PPM1D: variants seen among roughly 807,000 people sequenced by gnomAD.
PPM1D encodes protein phosphatase, Mg2+/Mn2+ dependent 1D, also known as protein phosphatase 1D.
In PPM1D, 52 loss-of-function variants were observed where a neutral mutation model predicts 58.3. The ratio of observed to expected loss-of-function variants is 0.89; its 90% CI spans 0.71 to 1.12. The LOEUF is 1.12. Ranked by LOEUF, PPM1D falls within the 50% of genes most tolerant of loss-of-function variation. The pLI, the probability that PPM1D is intolerant of heterozygous loss-of-function variation, is 0.00. For missense variants in PPM1D, 564 were observed against 777.2 expected (o/e 0.73, Z 3.26); for synonymous variants, 278 against 285.1 (o/e 0.98, Z 0.25).
chr17:60,657,684 A>T (rs2031464261), intron 5 of PPM1D, among the ~76,000 whole-genome samples: 1 of 152,218 alleles, frequency 6.6e-6, no homozygotes. Context: ...TTCACTTTAC[A>T]TACATATGGC....
chr17:60,613,979 T>TGCCCAAGGGCTGAGGAGCGCGG (rs2030522961), intron 1 of PPM1D, among the ~76,000 whole-genome samples: 1 of 143,714 alleles, frequency 7.0e-6, no homozygotes, highest in South Asian at 2.3e-4. Context: ...TCCCGTCGAC[T>TGCCCAAGGGCTGAGGAGCGCGG]GCCCAAGGGC....
At chr17:60,645,522 G>GTA (rs200672148) in intron 3 of PPM1D, among the ~76,000 whole-genome samples, 81 of 124,210 alleles carry the variant, frequency 6.5e-4, no homozygotes, top group South Asian at 7.1e-4. Flanking sequence ...GTATATATAT[G>GTA]TATATATATA....
intron 2 of PPM1D, among the ~76,000 whole-genome samples, chr17:60,628,759 T>A (rs774435005): frequency 6.6e-6 from 1 of 151,896 alleles, no homozygotes; most frequent in Non-Finnish European, 1.5e-5. Context: ...ACTGTATACA[T>A]GTGGTCTTAG....
chr17:60,600,341 C>G lies in PPM1D; in HGVS notation c.-74C>G, dbSNP rs937071637. ...TCGAAGATAAACAATAGTTGGCCGG[C>G]GAGCGCCTAGTGTGTCTCCCGCCGC... On this transcript the variant is annotated 5_prime_UTR_variant, in exon 1 of 6. Coordinates refer to ENST00000305921, the MANE Select transcript of PPM1D (RefSeq NM_003620.4). 5.4e-5 allele frequency: 82 copies of G among 1,511,856 alleles called. No homozygotes were observed. The highest frequency in any genetic ancestry group is 7.6e-5 in the East Asian group (3 of 39,256). 93.7% of individuals were successfully genotyped at this position (1,511,856 alleles called of 1,614,324 possible).
At chr17:60,623,435 T>A in intron 1 of PPM1D, 86 bp from the exon 2 acceptor site, 1 of 1,276,578 alleles carries the variant, frequency 7.8e-7, no homozygotes, top group Non-Finnish European at 1.1e-6. Context: ...GTTAACATGC[T>A]AATTCAGAGT....
At chr17:60,641,652 T>C (rs1027857603) in intron 3 of PPM1D, among the ~76,000 whole-genome samples, 1 of 152,220 alleles carries the variant, frequency 6.6e-6, no homozygotes, top group Admixed American at 6.6e-5. Flanking sequence ...TCACAGATTC[T>C]TTCCCAAGGC....
At chr17:60,603,855 C>A (rs1165548536) in intron 1 of PPM1D, among the ~76,000 whole-genome samples, 4 of 152,128 alleles carry the variant, frequency 2.6e-5, no homozygotes, top group Non-Finnish European at 5.9e-5. Flanking sequence ...ATAGCAGCCC[C>A]ACATGCATAT....
chr17:60,624,910 C>T (rs571714051), intron 2 of PPM1D, among the ~76,000 whole-genome samples: 6 of 152,194 alleles, frequency 3.9e-5, no homozygotes, highest in South Asian at 2.1e-4. Flanking sequence ...GAGACCGAGG[C>T]GGGTGGATTG....
chr17:60,621,885 CAA>C (rs774187907), intron 1 of PPM1D, among the ~76,000 whole-genome samples: 7 of 122,170 alleles, frequency 5.7e-5, no homozygotes, highest in Admixed American at 8.4e-5. Flanking sequence ...AGAGTTATCT[CAA>C]AAAAAAAAAA....
chr17:60,611,224 T>G (rs2030447215), intron 1 of PPM1D, among the ~76,000 whole-genome samples: 1 of 152,180 alleles, frequency 6.6e-6, no homozygotes, highest in Admixed American at 6.5e-5. Context: ...TTTCACCATG[T>G]TGGCTAGGCT....
At chr17:60,622,801 T>G (rs904542433) in intron 1 of PPM1D, among the ~76,000 whole-genome samples, 7 of 152,164 alleles carry the variant, frequency 4.6e-5, no homozygotes, top group African/African-American at 2.4e-5. Flanking sequence ...AATAGTTATT[T>G]CAAAAACAAA....
intron 3 of PPM1D, among the ~76,000 whole-genome samples, chr17:60,637,583 T>C (rs2031049507): frequency 6.6e-6 from 1 of 152,166 alleles, no homozygotes; most frequent in Admixed American, 6.5e-5. Context: ...ATTATAAGAA[T>C]TGATTTCAGG....
chr17:60,644,591 T>C (rs2031199835), intron 3 of PPM1D, among the ~76,000 whole-genome samples: 1 of 152,230 alleles, frequency 6.6e-6, no homozygotes, highest in Admixed American at 6.5e-5. Context: ...AGATAAATGT[T>C]GAAGTATTAC....
intron 1 of PPM1D, among the ~76,000 whole-genome samples, chr17:60,619,395 A>G (rs1217002787): frequency 6.6e-6 from 1 of 152,098 alleles, no homozygotes; most frequent in Non-Finnish European, 1.5e-5. Context: ...CTTTGGATAT[A>G]CATTCAGAGG....
At chr17:60,613,466 C>T (rs1232141748) in intron 1 of PPM1D, among the ~76,000 whole-genome samples, 1 of 152,250 alleles carries the variant, frequency 6.6e-6, no homozygotes, top group African/African-American at 2.4e-5. Context: ...TGCTGGCAGC[C>T]CTCGCTGGCT....
chr17:60,645,534 G>GTGTATATATA, intron 3 of PPM1D, among the ~76,000 whole-genome samples: 1 of 133,006 alleles, frequency 7.5e-6, no homozygotes, highest in South Asian at 2.3e-4. Flanking sequence ...ATATATATAT[G>GTGTATATATA]TGTATATATA....
intron 5 of PPM1D, among the ~76,000 whole-genome samples, chr17:60,660,007 C>G (rs544012704): frequency 1.8e-4 from 28 of 151,558 alleles, no homozygotes; most frequent in Non-Finnish European, 3.7e-4. Flanking sequence ...GTCAGGAGTT[C>G]GAGGCCAATA....
intron 5 of PPM1D, among the ~76,000 whole-genome samples, chr17:60,658,169 A>G (rs1235586090): frequency 1.3e-5 from 2 of 152,148 alleles, no homozygotes; most frequent in Non-Finnish European, 2.9e-5. Flanking sequence ...GTATTTCTGA[A>G]TATTTGTATG....
At chr17:60,646,187 A>C (rs2031248148) in intron 3 of PPM1D, among the ~76,000 whole-genome samples, 1 of 152,166 alleles carries the variant, frequency 6.6e-6, no homozygotes, top group Admixed American at 6.6e-5. Context: ...TTGTGAGCTT[A>C]TCTGGATTAT....
Sources: gnomAD v4.1 joint callset for allele counts (sites outside exome capture counted in the v4.1 genomes callset) on GRCh38, gnomAD v4.1.1 for gene constraint, MANE v1.5 for transcripts, NCBI Gene and HGNC (gene_info 2026-07-23, HGNC 2026-07-21) for gene names.